GPR83: variants seen among roughly 807,000 people sequenced by gnomAD.
The protein encoded by GPR83 is G-protein coupled receptor 72.
A neutral mutation model predicts 28.0 loss-of-function variants in GPR83; 23 were observed. The ratio of observed to expected loss-of-function variants is 0.82; its 90% CI spans 0.59 to 1.16. The LOEUF (loss-of-function observed/expected upper bound fraction) is 1.16, where lower values mean the gene tolerates loss of function less well. Among genes scored for constraint, GPR83 ranks in the 50% most tolerant of loss-of-function variants. The probability of loss-of-function intolerance (pLI) is 0.00; values close to 1 mark genes in which losing one functional copy is unlikely to be tolerated. For missense variants in GPR83, 610 were observed against 536.6 expected (o/e 1.14, Z -1.35); for synonymous variants, 234 against 215.4 (o/e 1.09, Z -0.76).
chr11:94,378,588 A>C lies in GPR83; in HGVS notation c.*1561T>G, dbSNP rs1161747320. 6.6e-6 allele frequency: 1 copy of C among 152,602 alleles called. No homozygotes were observed. Among genetic ancestry groups the C allele is most frequent in the East Asian group, 1.9e-4 (1 of 5,192 alleles). 9.5% of individuals were successfully genotyped at this position (152,602 alleles called of 1,614,324 possible). ...AAGAATTGAGATCTCTTAAGGATGC[A>C]TAAGTTTCTGTAAGTGAAAGTTACA... On this transcript the variant is annotated 3_prime_UTR_variant, in exon 4 of 4. Coordinates refer to ENST00000243673, the MANE Select transcript of GPR83 (RefSeq NM_016540.4).
intron 3 of GPR83, among the ~76,000 whole-genome samples, chr11:94,384,146 T>C (rs1466219823): frequency 6.6e-6 from 1 of 152,010 alleles, no homozygotes. Flanking sequence ...CGTGATCAAG[T>C]TGGCTTCATC....
rs1944641299 is a variant in GPR83, at chr11:94,378,227, T to A, written c.*1922A>T. On this transcript the variant is annotated 3_prime_UTR_variant, in exon 4 of 4. Coordinates refer to ENST00000243673, the MANE Select transcript of GPR83 (RefSeq NM_016540.4). ...CCATCTTCATAAATAGAAACTAGGATAAAGAACCCTCATAGTTCATTACAG... is the reference window on the plus strand; with the variant it reads ...CCATCTTCATAAATAGAAACTAGGAAAAAGAACCCTCATAGTTCATTACAG... 1 of 152,160 alleles carries A rather than the reference T, an allele frequency of 6.6e-6. No homozygotes were observed. 9.4% of individuals were successfully genotyped at this position (152,160 alleles called of 1,614,324 possible).
intron 1 of GPR83, among the ~76,000 whole-genome samples, chr11:94,396,869 C>CAAAA (rs71459725): frequency 8.8e-6 from 1 of 113,740 alleles, no homozygotes. Context: ...TCCTCATTTG[C>CAAAA]AAAAAAAAAA....
chr11:94,394,384 T>A (rs1160593585), intron 2 of GPR83, among the ~76,000 whole-genome samples: 5 of 152,328 alleles, frequency 3.3e-5, no homozygotes, highest in Non-Finnish European at 7.4e-5. Context: ...ATAAAGTCAG[T>A]GTTACAGGCT....
rs1944638482 is a variant in GPR83, at chr11:94,377,911, G to C, written c.*2238C>G. On this transcript the variant is annotated 3_prime_UTR_variant, in exon 4 of 4. Transcript: ENST00000243673. ...CTGTATTCCTAGACACCCTCAGAGA[G>C]GAGTGAAGTACAACATCCTCCATGC... 2 of 152,200 alleles carry C rather than the reference G, an allele frequency of 1.3e-5. No individual in the cohort carries two copies. The allele number at this position is 152,200 out of a possible 1,614,324, so 9.4% of individuals were successfully genotyped here. A position where few individuals can be genotyped will look rare whatever the true frequency, so the allele number is the denominator to read the frequency against.
chr11:94,386,748 G>C (rs1431613387), intron 3 of GPR83, among the ~76,000 whole-genome samples: 2 of 152,144 alleles, frequency 1.3e-5, no homozygotes, highest in Non-Finnish European at 2.9e-5. Context: ...ACACCACATT[G>C]TCAACATTAC....
At position 94,377,750 on chromosome 11, in the gene GPR83, T is replaced by C. The variant is rs1247735209; in HGVS notation, c.*2399A>G. The C allele has an allele frequency of 1.3e-5, 2 of 152,230 alleles. No homozygotes were observed. Among genetic ancestry groups the C allele is most frequent in the East Asian group, 1.9e-4 (1 of 5,202 alleles). 9.4% of individuals were successfully genotyped at this position (152,230 alleles called of 1,614,324 possible). Reference sequence around the variant, plus strand: ...ATGATTTTTCCCAGCTGTAGGCTAATATAAGTGTTCTCAGAGCATTTAAGG... The same window carrying C: ...ATGATTTTTCCCAGCTGTAGGCTAACATAAGTGTTCTCAGAGCATTTAAGG... On this transcript the variant is annotated 3_prime_UTR_variant, in exon 4 of 4. Transcript: ENST00000243673.
intron 3 of GPR83, among the ~76,000 whole-genome samples, chr11:94,389,326 G>A (rs1944791615): frequency 6.6e-6 from 1 of 152,170 alleles, no homozygotes; most frequent in Non-Finnish European, 1.5e-5. Flanking sequence ...TGACAAATGG[G>A]ATCTAATTAA....
chr11:94,385,957 G>A (rs1944750553), intron 3 of GPR83, among the ~76,000 whole-genome samples: 1 of 152,196 alleles, frequency 6.6e-6, no homozygotes, highest in African/African-American at 2.4e-5. Flanking sequence ...AGAAAGGTCG[G>A]GTTACCCACA....
chr11:94,389,871 G>A (rs539066988), intron 3 of GPR83, among the ~76,000 whole-genome samples: 1 of 152,146 alleles, frequency 6.6e-6, no homozygotes, highest in African/African-American at 2.4e-5. Flanking sequence ...ACATGCAGAC[G>A]TATGATTATT....
intron 1 of GPR83, among the ~76,000 whole-genome samples, chr11:94,400,381 G>A: frequency 6.6e-6 from 1 of 152,058 alleles, no homozygotes; most frequent in Non-Finnish European, 1.5e-5. Context: ...AGAAAAAAGT[G>A]GGGAGAAATC....
chr11:94,380,621 C>T lies in GPR83; in HGVS notation c.800G>A (p.Trp267Ter). 1 of 1,614,100 alleles carries T rather than the reference C, an allele frequency of 6.2e-7. No homozygotes were observed. Among genetic ancestry groups the T allele is most frequent in the Non-Finnish European group, 8.5e-7 (1 of 1,180,016 alleles). Residue 267 changes from tryptophan to a stop codon, truncating the protein, a stop_gained, in exon 4 of 4, where the codon TGG (tryptophan) becomes TAG (stop). Transcript: ENST00000243673. LOFTEE classifies it high-confidence loss of function. ...CACATCGCCAATCATATTACACAGC[C>T]ACAGTTTCTTGGCCACACGAGCGTA... ...VAYARVAKKL[W>*]LCNMIGDVTT...
chr11:94,396,297 C>T (rs1944865626), intron 2 of GPR83, 102 bp downstream of exon 2: 1 of 1,034,034 alleles, frequency 9.7e-7, no homozygotes, highest in South Asian at 1.4e-5. Context: ...GAAACACACT[C>T]ATTGAAAACT....
chr11:94,385,167 G>C (rs1439910203), intron 3 of GPR83, among the ~76,000 whole-genome samples: 1 of 152,152 alleles, frequency 6.6e-6, no homozygotes, highest in Non-Finnish European at 1.5e-5. Context: ...CTAACAAACA[G>C]AAAGGACATC....
chr11:94,394,239 G>A (rs866596645), intron 2 of GPR83, among the ~76,000 whole-genome samples: 3 of 152,198 alleles, frequency 2.0e-5, no homozygotes, highest in Non-Finnish European at 2.9e-5. Context: ...GAGAGGGTCT[G>A]AGCTGACAGA....
Position 94,401,262 on chromosome 11 carries a change from C to A in GPR83, c.-15G>T, listed in dbSNP as rs1944909628. ...TGAGGGACCATTTTGCAGGAGCCAC[C>A]CCTCCCCTGGGAGCCTGCGGGCCGG... is the stretch of plus-strand genomic sequence containing the variant. On this transcript the variant is annotated 5_prime_UTR_variant, in exon 1 of 4. Coordinates refer to ENST00000243673, the MANE Select transcript of GPR83 (RefSeq NM_016540.4). 6.3e-7 allele frequency: 1 copy of A among 1,578,416 alleles called. No individual in the cohort carries two copies. The highest frequency in any genetic ancestry group is 8.6e-7 in the Non-Finnish European group (1 of 1,165,634).
At chr11:94,393,677 T>C (rs1263875237) in intron 2 of GPR83, 59 bp from the exon 3 acceptor site, 14 of 1,571,644 alleles carry the variant, frequency 8.9e-6, no homozygotes, top group South Asian at 2.3e-5. Flanking sequence ...ATCAGAAATC[T>C]GGGTCAGGCG....
At chr11:94,396,626 C>A in intron 1 of GPR83, 102 bp from the exon 2 acceptor site, 1 of 1,111,960 alleles carries the variant, frequency 9.0e-7, no homozygotes, top group Admixed American at 2.0e-5. Context: ...ATTCCTCCAG[C>A]TCCTCCCTTC....
Position 94,400,970 on chromosome 11 carries a change from C to T in GPR83, c.278G>A (p.Cys93Tyr), listed in dbSNP as rs1256567740. The T allele has an allele frequency of 1.2e-6, 2 of 1,614,120 alleles. No homozygotes were observed. Among genetic ancestry groups the T allele is most frequent in the Non-Finnish European group, 1.7e-6 (2 of 1,179,966 alleles). The change falls in exon 1 of 4, where the codon TGT (cysteine) becomes TAT (tyrosine). Residue 93 changes from cysteine to tyrosine, a missense_variant. Coordinates refer to ENST00000243673, the MANE Select transcript of GPR83 (RefSeq NM_016540.4). ...VFSLFGNVLV[C>Y]HVIFKNQRMH... ...TCGCTGGTTCTTGAAGATGACATGACAGACCAGGACGTTGCCAAAGAGTGA... is the reference window on the plus strand; with the variant it reads ...TCGCTGGTTCTTGAAGATGACATGATAGACCAGGACGTTGCCAAAGAGTGA...
Sources: gnomAD v4.1 joint callset for allele counts (sites outside exome capture counted in the v4.1 genomes callset) on GRCh38, gnomAD v4.1.1 for gene constraint, MANE v1.5 for transcripts, NCBI Gene and HGNC (gene_info 2026-07-23, HGNC 2026-07-21) for gene names.